Variants in LRP1B observed in about 807,000 individuals in gnomAD.
LRP1B encodes LDL receptor related protein 1B, also known as low-density lipoprotein receptor-related protein 1B.
Under a neutral mutation model 556.6 loss-of-function variants are expected in LRP1B, and 217 were observed. That is an observed-to-expected ratio of 0.39 (90% CI 0.35 to 0.44). LRP1B has a LOEUF of 0.44. Ranked by LOEUF, LRP1B falls within the 20% of genes least tolerant of loss-of-function variation. The probability of loss-of-function intolerance (pLI) is 1.00; values close to 1 mark genes in which losing one functional copy is unlikely to be tolerated. For missense variants in LRP1B, 5,053 were observed against 5,620.8 expected, an observed-to-expected ratio of 0.90 and a Z score of 3.23; for synonymous variants, 2,047 against 1,865.8, an observed-to-expected ratio of 1.10 and a Z score of -2.50.
chr2:141,807,399 T>C (rs1189533346), intron 2 of LRP1B, among the ~76,000 whole-genome samples: 4 of 152,112 alleles, frequency 2.6e-5, no homozygotes, highest in Non-Finnish European at 5.9e-5. Context: ...AAAAAATAGT[T>C]ATTTCTCTGT....
At chr2:140,804,558 A>G (rs972569422) in intron 32 of LRP1B, among the ~76,000 whole-genome samples, 1 of 150,206 alleles carries the variant, frequency 6.7e-6, no homozygotes, top group Admixed American at 6.7e-5. Context: ...ACCAAGTGAT[A>G]TTTTGCTGAG....
chr2:142,040,745 A>G (rs746517594), intron 1 of LRP1B, among the ~76,000 whole-genome samples: 3 of 151,306 alleles, frequency 2.0e-5, no homozygotes, highest in Non-Finnish European at 4.4e-5. Context: ...TAAAATGCCA[A>G]TCACATTTTC....
At chr2:140,483,302 T>C (rs958379630) in intron 59 of LRP1B, among the ~76,000 whole-genome samples, 19 of 152,008 alleles carry the variant, frequency 1.2e-4, no homozygotes, top group Non-Finnish European at 2.4e-4. Context: ...TTTATGTTGA[T>C]GATAACTTAA....
At chr2:140,430,411 A>G (rs1303519033) in intron 66 of LRP1B, among the ~76,000 whole-genome samples, 2 of 152,178 alleles carry the variant, frequency 1.3e-5, no homozygotes, top group African/African-American at 4.8e-5. Context: ...TCTTTAACAA[A>G]AACTCTGCTC....
chr2:141,150,809 C>T lies in LRP1B; in HGVS notation c.1013+37612G>A, dbSNP rs541476074. 3.3e-5 allele frequency among the ~76,000 whole-genome samples: 5 copies of T among 151,046 alleles called. No individual in the cohort carries two copies. The East Asian group carries it at 7.8e-4, about 24-fold the overall frequency. On this transcript the variant is annotated intron_variant, in intron 7 of 90. Transcript: ENST00000389484. ...CAGTGAAATACATTTATTTCTGGTCCACACATTATGTAAATAACTTCTCTT... is the reference window on the plus strand; with the variant it reads ...CAGTGAAATACATTTATTTCTGGTCTACACATTATGTAAATAACTTCTCTT...
intron 5 of LRP1B, among the ~76,000 whole-genome samples, chr2:141,231,863 A>G (rs1430538232): frequency 1.3e-5 from 2 of 152,176 alleles, no homozygotes; most frequent in Non-Finnish European, 1.5e-5. Context: ...AAATAACCCA[A>G]AAAAGCCTCA....
chr2:141,395,715 T>C (rs1379430984), intron 3 of LRP1B, among the ~76,000 whole-genome samples: 2 of 152,074 alleles, frequency 1.3e-5, no homozygotes, highest in Admixed American at 6.5e-5. Flanking sequence ...AAAAGAAAAC[T>C]CTGGAGTATT....
chr2:141,901,204 A>G (rs1044388979), intron 1 of LRP1B, among the ~76,000 whole-genome samples: 8 of 152,020 alleles, frequency 5.3e-5, no homozygotes, highest in Non-Finnish European at 1.2e-4. Context: ...AGAAACATGT[A>G]TAATAGATTC....
At chr2:141,071,709 A>G (rs1373519434) in intron 7 of LRP1B, among the ~76,000 whole-genome samples, 3 of 152,166 alleles carry the variant, frequency 2.0e-5, no homozygotes, top group Non-Finnish European at 4.4e-5. Flanking sequence ...ATACACCAAT[A>G]ACAGACAAAC....
chr2:140,660,142 C>CA (rs771686954), intron 41 of LRP1B, among the ~76,000 whole-genome samples: 161 of 148,856 alleles, frequency 1.1e-3, no homozygotes, highest in East Asian at 7.6e-3. Flanking sequence ...TCCTTCCCCT[C>CA]AAAAAAAAAC....
intron 18 of LRP1B, among the ~76,000 whole-genome samples, chr2:140,979,233 T>C (rs1696692950): frequency 6.6e-6 from 1 of 152,076 alleles, no homozygotes; most frequent in Non-Finnish European, 1.5e-5. Context: ...CTCATCTTGG[T>C]CTCCCAAAGC....
At chr2:141,352,383 A>AT (rs904472628) in intron 3 of LRP1B, among the ~76,000 whole-genome samples, 3 of 151,846 alleles carry the variant, frequency 2.0e-5, no homozygotes, top group African/African-American at 7.2e-5. Context: ...CCTTTTTAAA[A>AT]TTTTTTTTAT....
At chr2:141,403,694 G>A (rs1690525894) in intron 3 of LRP1B, among the ~76,000 whole-genome samples, 1 of 152,084 alleles carries the variant, frequency 6.6e-6, no homozygotes, top group South Asian at 2.1e-4. Context: ...TGGATTATTT[G>A]AAAATTACTA....
intron 3 of LRP1B, among the ~76,000 whole-genome samples, chr2:141,347,111 C>T (rs574082753): frequency 6.6e-6 from 1 of 152,164 alleles, no homozygotes; most frequent in South Asian, 2.1e-4. Flanking sequence ...TTTATTAAAA[C>T]AGTACTGATA....
chr2:142,015,861 G>A (rs531774413), intron 1 of LRP1B, among the ~76,000 whole-genome samples: 12 of 151,650 alleles, frequency 7.9e-5, no homozygotes, highest in Middle Eastern at 3.4e-3. Flanking sequence ...GCGTGGTGGC[G>A]GGCGCCTGTA....
intron 4 of LRP1B, among the ~76,000 whole-genome samples, chr2:141,252,495 G>A (rs567766286): frequency 3.3e-5 from 5 of 152,246 alleles, no homozygotes; most frequent in East Asian, 1.9e-4. Flanking sequence ...AAAATACAGC[G>A]TTTGGAGCTA....
At chr2:141,433,611 G>T (rs1275919341) in intron 3 of LRP1B, among the ~76,000 whole-genome samples, 3 of 152,022 alleles carry the variant, frequency 2.0e-5, no homozygotes, top group African/African-American at 2.4e-5. Flanking sequence ...CTATCTAATG[G>T]TCTCTATTCT....
chr2:140,668,470 G>C (rs6725619), intron 41 of LRP1B, among the ~76,000 whole-genome samples: 33,088 of 151,492 alleles, frequency 0.22, 3,666 homozygotes, highest in South Asian at 0.26. Flanking sequence ...ATTTACTGTA[G>C]GCATGTTTTT....
chr2:141,243,793 G>A (rs781759284), intron 5 of LRP1B, among the ~76,000 whole-genome samples: 7 of 152,184 alleles, frequency 4.6e-5, no homozygotes, highest in East Asian at 1.9e-4. Flanking sequence ...CTTACTAAGC[G>A]TAGAAAGGAG....
Sources: allele counts gnomAD v4.1 joint callset (sites outside exome capture counted in the v4.1 genomes callset), GRCh38; gene constraint gnomAD v4.1.1; transcripts MANE v1.5; gene names NCBI Gene and HGNC (gene_info 2026-07-23, HGNC 2026-07-21).